COL21A1: variants seen among roughly 807,000 people sequenced by gnomAD.
COL21A1 encodes collagen alpha-1(XXI) chain.
A neutral mutation model predicts 137.9 loss-of-function variants in COL21A1; 149 were observed. That is an observed-to-expected ratio of 1.08 (90% CI 0.95 to 1.24). The LOEUF is 1.24. Among genes scored for constraint, COL21A1 ranks in the 50% most tolerant of loss-of-function variants. The probability of loss-of-function intolerance (pLI) is 0.00; values close to 1 mark genes in which losing one functional copy is unlikely to be tolerated. For missense variants in COL21A1, 1,167 were observed against 1,158.4 expected, an observed-to-expected ratio of 1.01 and a Z score of -0.11; for synonymous variants, 456 against 391.5, an observed-to-expected ratio of 1.16 and a Z score of -1.95.
chr6:56,389,923 T>C (rs2094025800), intron 1 of COL21A1, among the ~76,000 whole-genome samples: 1 of 152,098 alleles, frequency 6.6e-6, no homozygotes, highest in Non-Finnish European at 1.5e-5. Context: ...TTATAAGAAA[T>C]GCTAAAGGGA....
chr6:56,113,189 A>C (rs766246919), intron 16 of COL21A1, among the ~76,000 whole-genome samples: 35 of 152,246 alleles, frequency 2.3e-4, no homozygotes, highest in Non-Finnish European at 4.6e-4. Context: ...CTGGGGAGGC[A>C]CACAACATAC....
chr6:56,273,299 T>C (rs572317162), intron 1 of COL21A1, among the ~76,000 whole-genome samples: 8 of 152,152 alleles, frequency 5.3e-5, no homozygotes, highest in African/African-American at 1.9e-4. Context: ...ACATCTCAAA[T>C]TAACAACCTA....
At chr6:56,170,332 A>G (rs1776937507) in intron 5 of COL21A1, among the ~76,000 whole-genome samples, 2 of 151,890 alleles carry the variant, frequency 1.3e-5, no homozygotes, top group African/African-American at 2.4e-5. Flanking sequence ...GGAGAACTTA[A>G]CATCCTTGAA....
chr6:56,345,148 T>C (rs923597706), intron 1 of COL21A1, among the ~76,000 whole-genome samples: 43 of 152,196 alleles, frequency 2.8e-4, no homozygotes, highest in African/African-American at 8.9e-4. Flanking sequence ...TGGTTTATCC[T>C]GATGATGGTT....
chr6:56,248,253 C>T (rs1782753726), upstream of COL21A1, among the ~76,000 whole-genome samples: 1 of 152,206 alleles, frequency 6.6e-6, no homozygotes, highest in Admixed American at 6.5e-5. Context: ...ACCCCTCCTA[C>T]CCCAACACAC....
chr6:56,271,958 G>A (rs1297748078), intron 1 of COL21A1, among the ~76,000 whole-genome samples: 1 of 152,264 alleles, frequency 6.6e-6, no homozygotes, highest in East Asian at 1.9e-4. Flanking sequence ...GAAATGACTG[G>A]TGATCCAGGC....
In COL21A1 at chr6:56,316,476, A is replaced by AATTTTTTT. The variant is rs776151498; in HGVS notation, c.-39+77494_-39+77495insAAAAAAAT. Among the ~76,000 whole-genome samples the AATTTTTTT allele has an allele frequency of 7.1e-3, 216 of 30,274 alleles. 12 individuals carry two copies. The highest frequency in any genetic ancestry group is 0.014 in the Non-Finnish European group (168 of 12,320). The allele number at this position is 30,274 out of a possible 152,430, so 19.9% of individuals were successfully genotyped here. ...GCACACCTTTTAAAATTCTAAATAG[A>AATTTTTTT]CTTTTTTTTTTTTTTTTTTTTTTGA... On this transcript the variant is annotated intron_variant, in intron 1 of 28. Transcript: ENST00000370819.
At chr6:56,236,526 A>C (rs547239006) in intron 1 of COL21A1, among the ~76,000 whole-genome samples, 1 of 152,132 alleles carries the variant, frequency 6.6e-6, no homozygotes, top group East Asian at 1.9e-4. Context: ...TGTTAACTAG[A>C]GTGTGTCTAA....
At chr6:56,073,322 C>T (rs1025742411) in intron 20 of COL21A1, among the ~76,000 whole-genome samples, 8 of 151,584 alleles carry the variant, frequency 5.3e-5, no homozygotes, top group Admixed American at 4.6e-4. Flanking sequence ...GCCCACAATA[C>T]ACCAAGGATC....
At chr6:56,173,154 C>G (rs1763987297) in intron 3 of COL21A1, among the ~76,000 whole-genome samples, 1 of 152,122 alleles carries the variant, frequency 6.6e-6, no homozygotes, top group South Asian at 2.1e-4. Flanking sequence ...ATGAAAGACT[C>G]TAGCCTGGGC....
intron 1 of COL21A1, among the ~76,000 whole-genome samples, chr6:56,286,602 A>G (rs1046192653): frequency 6.6e-6 from 1 of 152,232 alleles, no homozygotes; most frequent in Non-Finnish European, 1.5e-5. Context: ...AGTACTGAAC[A>G]AGTACAAGTT....
intron 1 of COL21A1, among the ~76,000 whole-genome samples, chr6:56,300,662 A>C (rs945009297): frequency 6.6e-6 from 1 of 152,152 alleles, no homozygotes; most frequent in Non-Finnish European, 1.5e-5. Flanking sequence ...TTTCCAAAGA[A>C]CCATACAAAC....
At chr6:56,134,659 G>A (rs1773840095) in intron 12 of COL21A1, among the ~76,000 whole-genome samples, 1 of 152,206 alleles carries the variant, frequency 6.6e-6, no homozygotes, top group Non-Finnish European at 1.5e-5. Flanking sequence ...ATTCCCACTT[G>A]TGGGAGGAAC....
intron 6 of COL21A1, among the ~76,000 whole-genome samples, chr6:56,167,496 A>G (rs576137475): frequency 1.3e-5 from 2 of 152,342 alleles, no homozygotes; most frequent in South Asian, 4.1e-4. Context: ...ACATGTGTAA[A>G]CACGTATATG....
At chr6:56,260,639 GGA>G (rs1562028804) in intron 1 of COL21A1, among the ~76,000 whole-genome samples, 7 of 49,358 alleles carry the variant, frequency 1.4e-4, no homozygotes, top group Non-Finnish European at 3.2e-4. Context: ...AAGGAAGGAA[GGA>G]AGGAAGGAAG....
chr6:56,220,101 C>T (rs1030440357), intron 1 of COL21A1, among the ~76,000 whole-genome samples: 4 of 150,220 alleles, frequency 2.7e-5, no homozygotes, highest in East Asian at 1.9e-4. Flanking sequence ...TTATGCCTAA[C>T]ATATTTATAC....
At chr6:56,078,018 C>A in intron 17 of COL21A1, 1 of 453,418 alleles carries the variant, frequency 2.2e-6, no homozygotes, top group Non-Finnish European at 4.4e-6. Context: ...TGCCTCCCAC[C>A]TGAGCCTTGA....
chr6:56,057,379 A>C lies in COL21A1; in HGVS notation c.*278T>G. On this transcript the variant is annotated 3_prime_UTR_variant, in exon 30 of 30. Transcript: ENST00000244728. ...ACTAAAACTGACTGGCTAACAGGCA[A>C]TGGTGGATTTTTATATTCAACTTTG... The C allele has an allele frequency of 2.7e-6, 1 of 376,646 alleles. No homozygotes were observed. Among genetic ancestry groups the C allele is most frequent in the Non-Finnish European group, 4.8e-6 (1 of 208,074 alleles). The allele number at this position is 376,646 out of a possible 1,614,324, so 23.3% of individuals were successfully genotyped here.
chr6:56,073,987 A>G (rs1766986955), intron 20 of COL21A1, among the ~76,000 whole-genome samples: 1 of 151,446 alleles, frequency 6.6e-6, no homozygotes. Context: ...AAGACACCAA[A>G]AAGGGAGAAG....
Sources: gnomAD v4.1 joint callset for allele counts (sites outside exome capture counted in the v4.1 genomes callset) on GRCh38, gnomAD v4.1.1 for gene constraint, MANE v1.5 for transcripts, NCBI Gene and HGNC (gene_info 2026-07-23, HGNC 2026-07-21) for gene names.